CAPN1: variants seen among roughly 807,000 people sequenced by gnomAD.
CAPN1 encodes calpain-1 catalytic subunit.
A neutral mutation model predicts 105.2 loss-of-function variants in CAPN1; 77 were observed. That is an observed-to-expected ratio of 0.73 (90% CI 0.61 to 0.88). The LOEUF (loss-of-function observed/expected upper bound fraction) is 0.88. Among genes scored for constraint, CAPN1 ranks in the 40% least tolerant of loss-of-function variants. The probability of loss-of-function intolerance (pLI) is 0.00; values close to 1 mark genes in which losing one functional copy is unlikely to be tolerated. For synonymous variants in CAPN1, 355 were observed against 388.8 expected (o/e 0.91, Z 1.02); for missense variants, 833 against 976.6 (o/e 0.85, Z 1.96).
At chr11:65,191,111 G>A (rs1292907198) in intron 10 of CAPN1, among the ~76,000 whole-genome samples, 1 of 152,188 alleles carries the variant, frequency 6.6e-6, no homozygotes, top group Non-Finnish European at 1.5e-5. Context: ...GAAACCTATA[G>A]ACCAATTTGG....
rs938176665 is a variant in CAPN1 at position 65,208,896 on chromosome 11, A to G, written c.1730-427A>G. ...CACCACGTGACTGGCTTCACTCCCC[A>G]GGGCAGACAACTGCTGGCCTCTCAT... On this transcript the variant is annotated intron_variant, in intron 16 of 21. Transcript: ENST00000279247. This position sits in a 1 kb window ranked among gnomAD's most constrained non-coding sequence, Gnocchi z 4.1. 4 of 253,056 alleles carry G rather than the reference A, an allele frequency of 1.6e-5. No individual in the cohort carries two copies. The East Asian group carries it at 3.8e-4, about 24-fold the overall frequency. 15.7% of individuals were successfully genotyped at this position (253,056 alleles called of 1,614,324 possible). A position where few individuals can be genotyped will look rare whatever the true frequency, so the allele number is the denominator to read the frequency against.
chr11:65,195,333 G>A (rs1948778895), intron 10 of CAPN1, among the ~76,000 whole-genome samples: 1 of 152,062 alleles, frequency 6.6e-6, no homozygotes, highest in Middle Eastern at 3.4e-3. Flanking sequence ...CAGCCGTGTT[G>A]GTCAGGCTGG....
rs1227254810 is a variant in CAPN1 at position 65,210,356 on chromosome 11, C to T, written c.1963C>T (p.Leu655=). The change falls in exon 20 of 22, where the codon CTG becomes TTG. Residue 655 remains leucine, a synonymous_variant. Transcript: ENST00000279247. The surrounding 1 kb of genome is among the most constrained non-coding windows in gnomAD (Gnocchi z 4.3). ...ACCAGGCTTCAAGCTCAACAAGAAG[C>T]TGTACGAGCTCATCATCACCCGCTA... ...ESAGFKLNKK[L]YELIITRYSE... 1.2e-6 allele frequency: 2 copies of T among 1,612,518 alleles called. No individual in the cohort carries two copies. The highest frequency in any genetic ancestry group is 8.5e-7 in the Non-Finnish European group (1 of 1,179,032).
rs774409830 is a variant in CAPN1 at position 65,209,929 on chromosome 11, C to T, written c.1863+12C>T. 4 of 1,613,474 alleles carry T rather than the reference C, an allele frequency of 2.5e-6. No homozygotes were observed. Among genetic ancestry groups the T allele is most frequent in the Non-Finnish European group, 3.4e-6 (4 of 1,179,760 alleles). ...TCCGGAATTACCTGGTAGGTTGTCC[C>T]CACTCACCTCAGTCATGCAGGTGCG... is the stretch of plus-strand genomic sequence containing the variant. On this transcript the variant is annotated intron_variant, in intron 18 of 21. Transcript: ENST00000279247. This position sits in a 1 kb window ranked among gnomAD's most constrained non-coding sequence, Gnocchi z 4.1.
At position 65,182,819 on chromosome 11, in the gene CAPN1, C is replaced by T; in HGVS notation, c.118C>T (p.Gln40Ter). ...RHENAIKYLG[Q>*]DYEQLRVRCL... ...TGAGAATGCCATCAAGTACCTGGGC[C>T]AGGATTATGAGCAGCTGCGGGTGCG... Residue 40 changes from glutamine (Q) to a stop codon, truncating the protein, a stop_gained, in exon 2 of 22, where the codon CAG (glutamine) becomes TAG (stop). Coordinates refer to ENST00000279247, the MANE Select transcript of CAPN1 (RefSeq NM_005186.4). LOFTEE classifies it high-confidence loss of function. The T allele has an allele frequency of 6.3e-7, 1 of 1,593,360 alleles. No individual in the cohort carries two copies. The highest frequency in any genetic ancestry group is 8.5e-7 in the Non-Finnish European group (1 of 1,170,396).
chr11:65,188,687 C>T lies in CAPN1; in HGVS notation c.1106C>T (p.Thr369Ile), dbSNP rs1948676488. 6.2e-7 allele frequency: 1 copy of T among 1,612,842 alleles called. No individual in the cohort carries two copies. Among genetic ancestry groups the T allele is most frequent in the African/African-American group, 1.3e-5 (1 of 74,992 alleles). Reference protein sequence around the residue: ...KSRTIRKWNTTLYEGTWRRGS... With the variant: ...KSRTIRKWNTILYEGTWRRGS... ...CGGACCATCCGCAAATGGAACACCACACTCTACGAAGGCACCTGGCGGCGG... is the reference window on the plus strand; with the variant it reads ...CGGACCATCCGCAAATGGAACACCATACTCTACGAAGGCACCTGGCGGCGG... Residue 369 changes from threonine (T) to isoleucine (I), a missense_variant, in exon 10 of 22, where the codon ACA becomes ATA. Thr to Ile is a moderately conservative substitution (Grantham distance 89). Transcript: ENST00000279247. This position sits in a 1 kb window ranked among gnomAD's most constrained non-coding sequence, Gnocchi z 5.5.
At chr11:65,205,800 C>T in intron 12 of CAPN1, 79 bp downstream of exon 12, 1 of 1,362,260 alleles carries the variant, frequency 7.3e-7, no homozygotes. Flanking sequence ...GGCAAACCCA[C>T]CCTGGCCTGG....
rs760826517 is a variant in CAPN1 at position 65,206,529 on chromosome 11, T to G, written c.1420T>G (p.Ser474Ala). The G allele has an allele frequency of 2.5e-6, 4 of 1,613,372 alleles. No homozygotes were observed. In the South Asian group the frequency reaches 4.4e-5, roughly 18 times the overall value. The change falls in exon 13 of 22, where the codon TCA becomes GCA. Residue 474 changes from serine to alanine, a missense_variant. Ser to Ala is a moderately conservative substitution (Grantham distance 99). Coordinates refer to ENST00000279247, the MANE Select transcript of CAPN1 (RefSeq NM_005186.4). Reference sequence around the variant, plus strand: ...CCTGGCCAATGCGTCTCGGGCGCGCTCAGAGCAGTTCATCAACCTGCGAGA... The same window carrying G: ...CCTGGCCAATGCGTCTCGGGCGCGCGCAGAGCAGTTCATCAACCTGCGAGA... ...FFLANASRARSEQFINLREVS... is the reference protein window; with the variant it reads ...FFLANASRARAEQFINLREVS...
chr11:65,198,045 G>A (rs1948816860), intron 10 of CAPN1, among the ~76,000 whole-genome samples: 3 of 151,800 alleles, frequency 2.0e-5, no homozygotes, highest in South Asian at 2.1e-4. Flanking sequence ...TGCCTTTTGT[G>A]TTGAGTTCCT....
Position 65,209,382 on chromosome 11 carries a change from A to G in CAPN1, c.1789A>G (p.Met597Val). ...GTCGTGCCGCAGCATGGTGAACCTC[A>G]TGGATGTATCCTTCCGTTTGCTTTT... ...LESCRSMVNL[M>V]DRDGNGKLGL... is the part of the protein sequence containing the mutation. The change falls in exon 17 of 22, where the codon ATG (methionine) becomes GTG (valine). Residue 597 changes from methionine to valine, a missense_variant. By Grantham distance (21) the Met-to-Val change is conservative (BLOSUM62 1). Coordinates refer to ENST00000279247, the MANE Select transcript of CAPN1 (RefSeq NM_005186.4). The surrounding 1 kb of genome is among the most constrained non-coding windows in gnomAD (Gnocchi z 4.1). 6.2e-7 allele frequency: 1 copy of G among 1,613,340 alleles called. No homozygotes were observed. Among genetic ancestry groups the G allele is most frequent in the African/African-American group, 1.3e-5 (1 of 75,038 alleles).
intron 1 of CAPN1, 145 bp downstream of exon 1, chr11:65,182,158 G>C (rs1948544432): frequency 1.3e-5 from 1 of 78,904 alleles, no homozygotes; most frequent in Non-Finnish European, 2.8e-5. Context: ...CAGCCCAGGC[G>C]CCTGTCCCAG....
Position 65,188,743 on chromosome 11 carries a change from C to T in CAPN1, c.1162C>T (p.Pro388Ser). Residue 388 changes from proline to serine, a missense_variant, in exon 10 of 22, where the codon CCA becomes TCA. Coordinates refer to ENST00000279247, the MANE Select transcript of CAPN1 (RefSeq NM_005186.4). The surrounding 1 kb of genome is among the most constrained non-coding windows in gnomAD (Gnocchi z 5.5). ...GSTAGGCRNY[P>S]ATFWVNPQFK... ...CACCGCGGGGGGCTGCCGAAACTAC[C>T]CAGGTGCACAGGGGCGGGCTCTGGG... 4.5e-6 allele frequency: 7 copies of T among 1,563,252 alleles called. 1 individual carries two copies. The South Asian group carries it at 8.2e-5, about 18-fold the overall frequency.
Position 65,210,192 on chromosome 11 carries a change from A to T in CAPN1, c.1942+96A>T. 1 of 1,188,384 alleles carries T rather than the reference A, an allele frequency of 8.4e-7. No individual in the cohort carries two copies. The highest frequency in any genetic ancestry group is 1.3e-6 in the Non-Finnish European group (1 of 799,678). 73.6% of individuals were successfully genotyped at this position (1,188,384 alleles called of 1,614,324 possible). A position where few individuals can be genotyped will look rare whatever the true frequency, so the allele number is the denominator to read the frequency against. ...CCTTGTCCCTGGGGTGCTAGTGGTG[A>T]CATGGTAACAGCCATCTTGTCCTTT... On this transcript the variant is annotated intron_variant, in intron 19 of 21. Coordinates refer to ENST00000279247, the MANE Select transcript of CAPN1 (RefSeq NM_005186.4). The surrounding 1 kb of genome is among the most constrained non-coding windows in gnomAD (Gnocchi z 4.3).
chr11:65,210,881 C>A lies in CAPN1; in HGVS notation c.2118+9C>A, dbSNP rs1590868913. On this transcript the variant is annotated intron_variant, in intron 21 of 21. Coordinates refer to ENST00000279247, the MANE Select transcript of CAPN1 (RefSeq NM_005186.4). The surrounding 1 kb of genome is among the most constrained non-coding windows in gnomAD (Gnocchi z 4.3). Reference sequence around the variant, plus strand: ...CCTTTGACTTGTTTAAGGTGGGAACCTCCCTGGGCCCATGGTTGGGGAAGA... The same window carrying A: ...CCTTTGACTTGTTTAAGGTGGGAACATCCCTGGGCCCATGGTTGGGGAAGA... 6.2e-7 allele frequency: 1 copy of A among 1,608,128 alleles called. No homozygotes were observed. The highest frequency in any genetic ancestry group is 2.2e-5 in the East Asian group (1 of 44,846).
Position 65,211,431 on chromosome 11 carries a change from C to G in CAPN1, c.*145C>G. Reference sequence around the variant, plus strand: ...GCCTCGTCCTCCTGTCCCCTCTCCTCCCAGCCACCATCGTTCATCTGCTCC... The same window carrying G: ...GCCTCGTCCTCCTGTCCCCTCTCCTGCCAGCCACCATCGTTCATCTGCTCC... On this transcript the variant is annotated 3_prime_UTR_variant, in exon 22 of 22. Transcript: ENST00000279247. The G allele has an allele frequency of 1.4e-6, 1 of 739,592 alleles. No individual in the cohort carries two copies. 45.8% of individuals were successfully genotyped at this position (739,592 alleles called of 1,614,324 possible).
upstream of CAPN1, chr11:65,181,497 GC>G (rs1948528463): frequency 3.5e-6 from 1 of 289,048 alleles, no homozygotes. This position sits in a 1 kb window ranked among gnomAD's most constrained non-coding sequence, Gnocchi z 4.6. Context: ...GACCGGGCGG[GC>G]CCGGGGCTGC....
chr11:65,187,804 A>G, intron 7 of CAPN1, 151 bp from the exon 8 acceptor site: 1 of 587,298 alleles, frequency 1.7e-6, no homozygotes. Flanking sequence ...AGAGAATTGA[A>G]TTGCTTGAAC....
At chr11:65,200,082 C>T (rs1418489927) in intron 10 of CAPN1, among the ~76,000 whole-genome samples, 2 of 152,156 alleles carry the variant, frequency 1.3e-5, no homozygotes, top group Non-Finnish European at 2.9e-5. Flanking sequence ...TTTTGAGACA[C>T]AGTCTTGCTC....
intron 7 of CAPN1, 198 bp from the exon 8 acceptor site, chr11:65,187,757 G>C (rs1443139136): frequency 7.8e-6 from 4 of 515,218 alleles, no homozygotes; most frequent in Middle Eastern, 1.1e-3. Context: ...TGTGGTGGCA[G>C]GTGCCTGTAA....
Sources: allele counts gnomAD v4.1 joint callset (sites outside exome capture counted in the v4.1 genomes callset), GRCh38; gene constraint gnomAD v4.1.1; non-coding constraint Gnocchi (gnomAD v3.1); transcripts MANE v1.5; gene names NCBI Gene and HGNC (gene_info 2026-07-23, HGNC 2026-07-21).